The following DGKG variants were observed in gnomAD, a reference collection of about 807,000 sequenced individuals.
DGKG encodes the protein DAG kinase gamma.
DGKG carries 78 observed loss-of-function variants against 105.3 expected under a neutral mutation model. The ratio of observed to expected loss-of-function variants is 0.74; its 90% confidence interval spans 0.62 to 0.89. The LOEUF (loss-of-function observed/expected upper bound fraction) is 0.89, where lower values mean the gene tolerates loss of function less well. Ranked by LOEUF, DGKG falls within the 40% of genes least tolerant of loss-of-function variation. DGKG has a pLI of 0.00. For synonymous variants in DGKG, 346 were observed against 367.1 expected (o/e 0.94, Z 0.66); for missense variants, 958 against 1,020.1 (o/e 0.94, Z 0.83).
intron 20 of DGKG, among the ~76,000 whole-genome samples, chr3:186,235,708 T>C (rs188498900): frequency 6.6e-6 from 1 of 152,368 alleles, no homozygotes; most frequent in East Asian, 1.9e-4. Context: ...ACTGTGTGAC[T>C]TGAGCTTTGT....
At chr3:186,194,802 T>TAAA (rs1560089428) in intron 21 of DGKG, among the ~76,000 whole-genome samples, 2 of 26,646 alleles carry the variant, frequency 7.5e-5, no homozygotes, top group Middle Eastern at 0.024. Flanking sequence ...TGGTCTTTCT[T>TAAA]TAAAAAAAAA....
chr3:186,185,583 C>G (rs1717586848), intron 22 of DGKG, among the ~76,000 whole-genome samples: 1 of 152,106 alleles, frequency 6.6e-6, no homozygotes. Context: ...GGATTCAGCT[C>G]TGCTCATTCC....
chr3:186,147,532 C>T lies in DGKG; in HGVS notation c.*2558G>A. On this transcript the variant is annotated 3_prime_UTR_variant, in exon 25 of 25. Coordinates refer to ENST00000265022, the MANE Select transcript of DGKG (RefSeq NM_001346.3). ...ACAACACAAGATTTACTAAGGTTAC[C>T]AAACTGGAAGTGCAATTCCACTGAA... is the stretch of plus-strand genomic sequence containing the variant. The T allele has an allele frequency of 2.0e-6, 2 of 985,316 alleles. No individual in the cohort carries two copies. The highest frequency in any genetic ancestry group is 2.4e-6 in the Non-Finnish European group (2 of 829,858). 61.0% of individuals were successfully genotyped at this position (985,316 alleles called of 1,614,324 possible). A position where few individuals can be genotyped will look rare whatever the true frequency, so the allele number is the denominator to read the frequency against.
At chr3:186,165,882 G>A (rs988812395) in intron 22 of DGKG, among the ~76,000 whole-genome samples, 1 of 152,186 alleles carries the variant, frequency 6.6e-6, no homozygotes, top group Non-Finnish European at 1.5e-5. Context: ...AAAATAAAAC[G>A]GCAGATTTTA....
intron 21 of DGKG, among the ~76,000 whole-genome samples, chr3:186,194,025 C>T (rs1217782089): frequency 6.6e-6 from 1 of 152,176 alleles, no homozygotes; most frequent in Non-Finnish European, 1.5e-5. Context: ...GCCAGGTGCC[C>T]GATGTCGGTC....
In DGKG at chr3:186,267,851, G is replaced by C; in HGVS notation, c.1117-74C>G. 8 of 1,425,918 alleles carry C rather than the reference G, an allele frequency of 5.6e-6. No individual in the cohort carries two copies. The South Asian group carries it at 9.2e-5, about 16-fold the overall frequency. The allele number at this position is 1,425,918 out of a possible 1,614,324, so 88.3% of individuals were successfully genotyped here. On this transcript the variant is annotated intron_variant, in intron 12 of 24. Coordinates refer to ENST00000265022, the MANE Select transcript of DGKG (RefSeq NM_001346.3). ...ATCAAACATGAAGGTGGAGAGGTTTGGGGGAGAGGTGAGCTGTCTAGTGCT... is the reference window on the plus strand; with the variant it reads ...ATCAAACATGAAGGTGGAGAGGTTTCGGGGAGAGGTGAGCTGTCTAGTGCT...
intron 22 of DGKG, among the ~76,000 whole-genome samples, chr3:186,168,171 T>C (rs1325445627): frequency 6.6e-6 from 1 of 152,198 alleles, no homozygotes; most frequent in Non-Finnish European, 1.5e-5. Flanking sequence ...GGCAATTTCA[T>C]TGGAAAATAT....
chr3:186,304,111 C>T (rs1724109780), intron 3 of DGKG, among the ~76,000 whole-genome samples: 1 of 152,204 alleles, frequency 6.6e-6, no homozygotes, highest in African/African-American at 2.4e-5. Flanking sequence ...AAGCGACTCC[C>T]TGCTTCTGAA....
chr3:186,306,678 A>G, intron 3 of DGKG: 1 of 489,726 alleles, frequency 2.0e-6, no homozygotes, highest in South Asian at 3.1e-5. Flanking sequence ...GTGAGAGATG[A>G]GCAGAGGAGA....
chr3:186,328,893 A>G (rs1281200237), intron 1 of DGKG, among the ~76,000 whole-genome samples: 2 of 151,828 alleles, frequency 1.3e-5, no homozygotes, highest in Non-Finnish European at 2.9e-5. Flanking sequence ...ACCATTCTTT[A>G]TTTCCTTCAA....
intron 20 of DGKG, among the ~76,000 whole-genome samples, chr3:186,215,081 A>T (rs918966189): frequency 1.3e-5 from 2 of 152,150 alleles, no homozygotes; most frequent in African/African-American, 2.4e-5. Flanking sequence ...CAAGACTGTG[A>T]AGGGTGGGCA....
chr3:186,230,020 GA>G (rs749531493), intron 20 of DGKG, among the ~76,000 whole-genome samples: 30 of 152,338 alleles, frequency 2.0e-4, no homozygotes, highest in Non-Finnish European at 3.5e-4. Flanking sequence ...AGCACTTTGG[GA>G]GGCCGAGGCG....
chr3:186,209,659 A>G (rs1718930591), intron 21 of DGKG, among the ~76,000 whole-genome samples: 1 of 152,042 alleles, frequency 6.6e-6, no homozygotes, highest in South Asian at 2.1e-4. Context: ...CCCTTAGCAT[A>G]GCTGCTCTTA....
At chr3:186,155,278 C>T (rs957070527) in intron 24 of DGKG, among the ~76,000 whole-genome samples, 5 of 152,054 alleles carry the variant, frequency 3.3e-5, no homozygotes, top group African/African-American at 9.7e-5. Context: ...CTGCAACCTC[C>T]GCCTCCCGGG....
chr3:186,268,922 G>C lies in DGKG; in HGVS notation c.1000-5C>G. ...CACCCATGCGTGCTGCATCACCTGC[G>C]GGAGGGAAGCGAACGATGCCAGGGA... is the stretch of plus-strand genomic sequence containing the variant. On this transcript the variant is annotated splice_region_variant and splice_polypyrimidine_tract_variant and intron_variant, in intron 11 of 24. Coordinates refer to ENST00000265022, the MANE Select transcript of DGKG (RefSeq NM_001346.3). 6.2e-7 allele frequency: 1 copy of C among 1,605,236 alleles called. No individual in the cohort carries two copies.
intron 1 of DGKG, among the ~76,000 whole-genome samples, chr3:186,340,628 C>A (rs761961497): frequency 6.6e-6 from 1 of 152,166 alleles, no homozygotes; most frequent in Non-Finnish European, 1.5e-5. Flanking sequence ...TTCCTCTAAC[C>A]ACTTGCTAGA....
At chr3:186,160,574 G>A in intron 24 of DGKG, 1 of 985,368 alleles carries the variant, frequency 1.0e-6, no homozygotes, top group Non-Finnish European at 1.2e-6. Flanking sequence ...CCTTTTCTCA[G>A]CAGGTTCATG....
intron 19 of DGKG, among the ~76,000 whole-genome samples, chr3:186,250,900 C>CGA (rs1721191280): frequency 2.6e-5 from 4 of 151,996 alleles, no homozygotes; most frequent in Non-Finnish European, 5.9e-5. Context: ...GTTGCACTCC[C>CGA]ACCCCCTCCC....
At chr3:186,229,618 A>G (rs1720041204) in intron 20 of DGKG, among the ~76,000 whole-genome samples, 1 of 152,182 alleles carries the variant, frequency 6.6e-6, no homozygotes, top group African/African-American at 2.4e-5. Flanking sequence ...GTGCTTTGTT[A>G]TGGCAGCCCA....
Sources: allele counts gnomAD v4.1 joint callset (sites outside exome capture counted in the v4.1 genomes callset), GRCh38; gene constraint gnomAD v4.1.1; transcripts MANE v1.5; gene names NCBI Gene and HGNC (gene_info 2026-07-23, HGNC 2026-07-21).